Variants in RBM46 observed in about 807,000 individuals in gnomAD.
The protein encoded by RBM46 is RNA binding motif protein 46, also known as probable RNA-binding protein 46.
Under a neutral mutation model 43.3 loss-of-function variants are expected in RBM46, and 12 were observed. That is an observed-to-expected ratio of 0.28 (90% CI 0.18 to 0.45). The LOEUF is 0.45. Among genes scored for constraint, RBM46 ranks in the 20% least tolerant of loss-of-function variants. The probability of loss-of-function intolerance (pLI) is 1.00; values close to 1 mark genes in which losing one functional copy is unlikely to be tolerated. For synonymous variants in RBM46, 205 were observed against 207.6 expected (o/e 0.99, Z 0.11); for missense variants, 412 against 639.1 (o/e 0.64, Z 3.83).
intron 4 of RBM46, among the ~76,000 whole-genome samples, chr4:154,810,912 A>G (rs1360671371): frequency 6.6e-6 from 1 of 152,172 alleles, no homozygotes; most frequent in Non-Finnish European, 1.5e-5. Flanking sequence ...CTTACTATTC[A>G]TTCCTTTAGG....
At chr4:154,818,224 T>C (rs1022312014) in intron 4 of RBM46, among the ~76,000 whole-genome samples, 4 of 152,184 alleles carry the variant, frequency 2.6e-5, no homozygotes, top group African/African-American at 4.8e-5. Flanking sequence ...ACTAGAATTG[T>C]TTATTTATTC....
intron 4 of RBM46, among the ~76,000 whole-genome samples, chr4:154,822,888 G>A (rs1273350343): frequency 6.6e-6 from 1 of 151,632 alleles, no homozygotes; most frequent in African/African-American, 2.4e-5. Context: ...AGTTTTACTG[G>A]GAATTACTGT....
rs1021089475 is a variant in RBM46, at chr4:154,792,283, G to A, written c.-11-4459G>A. Among the ~76,000 whole-genome samples, 18 of 152,100 alleles carry A rather than the reference G, an allele frequency of 1.2e-4. No individual in the cohort carries two copies. The East Asian group carries it at 1.7e-3, about 15-fold the overall frequency. The stretch of plus-strand genomic sequence containing the variant: ...AAATGAGATAATGTATATAAAGTGC[G>A]TGTCATTATATGTGGTATTTAATAT... On this transcript the variant is annotated intron_variant, in intron 1 of 4. Transcript: ENST00000281722.
chr4:154,786,452 A>C (rs1221871490), intron 1 of RBM46, among the ~76,000 whole-genome samples: 2 of 152,192 alleles, frequency 1.3e-5, no homozygotes, highest in East Asian at 1.9e-4. Context: ...GAATCTATTA[A>C]TATTACATTG....
chr4:154,790,407 A>AGAGG (rs1734024245), intron 1 of RBM46: 1 of 152,242 alleles, frequency 6.6e-6, no homozygotes, highest in East Asian at 1.9e-4. Flanking sequence ...TGGAGCCAGG[A>AGAGG]GAGGGAATAG....
At chr4:154,786,028 A>C (rs778022876) in intron 1 of RBM46, among the ~76,000 whole-genome samples, 1 of 152,214 alleles carries the variant, frequency 6.6e-6, no homozygotes, top group African/African-American at 2.4e-5. Context: ...AGGAATGGTG[A>C]TAGAAAAATA....
chr4:154,817,165 G>A (rs975027050), intron 4 of RBM46, among the ~76,000 whole-genome samples: 4 of 151,736 alleles, frequency 2.6e-5, no homozygotes, highest in African/African-American at 9.7e-5. Flanking sequence ...AAATTTCACT[G>A]TTCTCTGTAA....
intron 4 of RBM46, chr4:154,827,228 G>A: frequency 2.2e-6 from 2 of 908,222 alleles, no homozygotes; most frequent in Non-Finnish European, 2.6e-6. Context: ...AGTTGATAAT[G>A]GTTTTTTGAA....
Position 154,827,909 on chromosome 4 carries a change from G to T in RBM46, c.1444G>T (p.Val482Phe), listed in dbSNP as rs750741031. The T allele has an allele frequency of 6.2e-7, 1 of 1,613,918 alleles. No homozygotes were observed. Among genetic ancestry groups the T allele is most frequent in the Admixed American group, 1.7e-5 (1 of 59,992 alleles). ...HRSSINSLSP[V>F]SATLSSGTPS... ...CAGCTCAATAAATAGTCTTTCCCCT[G>T]TTAGTGCTACCCTCTCTTCTGGGAC... Residue 482 changes from valine to phenylalanine, a missense_variant, in exon 5 of 5, where the codon GTT (valine) becomes TTT (phenylalanine). Around this residue, in one of 8 missense-constraint regions of RBM46, gnomAD observed 149 missense variants for 156.3 expected, o/e 0.95. Coordinates refer to ENST00000281722, the MANE Select transcript of RBM46 (RefSeq NM_144979.5).
At chr4:154,792,459 C>T (rs1197264382) in intron 1 of RBM46, among the ~76,000 whole-genome samples, 1 of 152,152 alleles carries the variant, frequency 6.6e-6, no homozygotes, top group African/African-American at 2.4e-5. Flanking sequence ...ATCATGATGT[C>T]TCTCCTTCCG....
intron 4 of RBM46, among the ~76,000 whole-genome samples, chr4:154,811,669 CTGTGTGTGTGTGTGTG>C (rs70947182): frequency 7.6e-6 from 1 of 130,838 alleles, no homozygotes; most frequent in South Asian, 2.6e-4. Flanking sequence ...GTGTGTGTGT[CTGTGTGTGTGTGTGTG>C]TGTGTGTGTG....
intron 4 of RBM46, among the ~76,000 whole-genome samples, chr4:154,819,654 A>G (rs999447778): frequency 6.6e-5 from 10 of 152,216 alleles, no homozygotes; most frequent in Admixed American, 2.6e-4. Flanking sequence ...ACTGAATTAT[A>G]ATCTTTAGAT....
intron 4 of RBM46, among the ~76,000 whole-genome samples, chr4:154,814,500 C>A (rs1237991235): frequency 6.6e-6 from 1 of 151,974 alleles, no homozygotes; most frequent in Admixed American, 6.5e-5. Context: ...ATCACCATCT[C>A]TTCTATATGC....
intron 4 of RBM46, among the ~76,000 whole-genome samples, chr4:154,809,016 T>C (rs1337591947): frequency 6.6e-6 from 1 of 151,958 alleles, no homozygotes; most frequent in Non-Finnish European, 1.5e-5. Context: ...ACAAATGAGA[T>C]AGTAATGATT....
chr4:154,814,013 T>G (rs1322264877), intron 4 of RBM46, among the ~76,000 whole-genome samples: 1 of 152,066 alleles, frequency 6.6e-6, no homozygotes, highest in Non-Finnish European at 1.5e-5. Flanking sequence ...CAGTGACATT[T>G]TAAACTTCAT....
At chr4:154,806,772 C>T (rs940544773) in intron 4 of RBM46, among the ~76,000 whole-genome samples, 2 of 151,792 alleles carry the variant, frequency 1.3e-5, no homozygotes, top group African/African-American at 4.8e-5. Context: ...TAGCCAAAAC[C>T]AAGGTTTTTA....
At chr4:154,784,589 A>G (rs1733668137) in intron 1 of RBM46, among the ~76,000 whole-genome samples, 1 of 152,142 alleles carries the variant, frequency 6.6e-6, no homozygotes, top group African/African-American at 2.4e-5. Context: ...AATCTTTGAA[A>G]GTCTACAGTT....
chr4:154,796,922 T>C lies in RBM46; in HGVS notation c.151+19T>C. The C allele has an allele frequency of 1.2e-6, 2 of 1,602,794 alleles. No homozygotes were observed. The highest frequency in any genetic ancestry group is 1.7e-6 in the Non-Finnish European group (2 of 1,175,202). On this transcript the variant is annotated intron_variant, in intron 2 of 4. Transcript: ENST00000281722. ...CCTCCAGGTGTGGATTTGTTTACAG[T>C]CTTTTAAATTTAATCTTTAACCTCG...
chr4:154,827,929 T>C lies in RBM46; in HGVS notation c.1464T>C (p.Ser488=), dbSNP rs1448577180. 6.2e-7 allele frequency: 1 copy of C among 1,613,982 alleles called. No homozygotes were observed. The highest frequency in any genetic ancestry group is 1.7e-5 in the Admixed American group (1 of 60,000). ...CCCCTGTTAGTGCTACCCTCTCTTC[T>C]GGGACTCCCAGCGTGCTTCCTTATA... ...SLSPVSATLS[S]GTPSVLPYTS... is the part of the protein sequence containing the mutation. Residue 488 remains serine (S), a synonymous_variant, in exon 5 of 5, where the codon TCT becomes TCC. Coordinates refer to ENST00000281722, the MANE Select transcript of RBM46 (RefSeq NM_144979.5).
Sources: allele counts gnomAD v4.1 joint callset (sites outside exome capture counted in the v4.1 genomes callset), GRCh38; gene constraint gnomAD v4.1.1; regional missense constraint gnomAD v4.1.1; transcripts MANE v1.5; gene names NCBI Gene and HGNC (gene_info 2026-07-23, HGNC 2026-07-21).